The following LRP6 variants were observed in gnomAD, a reference collection of about 807,000 sequenced individuals.
The protein encoded by LRP6 is low-density lipoprotein receptor-related protein 6.
LRP6 carries 43 observed loss-of-function variants against 184.1 expected under a neutral mutation model. That is an observed-to-expected ratio of 0.23 (90% CI 0.18 to 0.30). The LOEUF (loss-of-function observed/expected upper bound fraction) is 0.30. LRP6 is among the 10% of genes least tolerant of loss of function. The pLI is 1.00. For missense variants in LRP6, 1,571 were observed against 2,005.3 expected (o/e 0.78, Z 4.14); for synonymous variants, 719 against 684.9 (o/e 1.05, Z -0.78).
At chr12:12,143,245 A>G (rs1051592767) in intron 15 of LRP6, among the ~76,000 whole-genome samples, 1 of 152,212 alleles carries the variant, frequency 6.6e-6, no homozygotes, top group African/African-American at 2.4e-5. Context: ...GAAAATTATA[A>G]AACATTAAGA....
chr12:12,147,999 T>C (rs1207017441), intron 14 of LRP6, among the ~76,000 whole-genome samples: 5 of 143,764 alleles, frequency 3.5e-5, no homozygotes, highest in African/African-American at 5.3e-5. Flanking sequence ...TATATCCTCT[T>C]TTATATAAAT....
At chr12:12,261,498 T>A (rs1329800977) in intron 1 of LRP6, among the ~76,000 whole-genome samples, 2 of 152,168 alleles carry the variant, frequency 1.3e-5, no homozygotes, top group African/African-American at 4.8e-5. Context: ...AGACAAATTA[T>A]TGTTTAGCCA....
intron 2 of LRP6, among the ~76,000 whole-genome samples, chr12:12,221,188 T>G (rs980313171): frequency 6.6e-6 from 1 of 152,168 alleles, no homozygotes; most frequent in Non-Finnish European, 1.5e-5. Context: ...CAAACTGATA[T>G]AAAAGGAACA....
At chr12:12,157,962 G>A (rs1433453636) in intron 12 of LRP6, among the ~76,000 whole-genome samples, 1 of 152,050 alleles carries the variant, frequency 6.6e-6, no homozygotes, top group East Asian at 1.9e-4. Flanking sequence ...TAAAAATCAG[G>A]AGATGAGGGA....
At position 12,138,952 on chromosome 12, in the gene LRP6, T is replaced by A. The variant is rs757111525; in HGVS notation, c.3398-418A>T. 7.3e-6 allele frequency: 10 copies of A among 1,364,986 alleles called. No individual in the cohort carries two copies. In the East Asian group the frequency reaches 4.6e-4, roughly 62 times the overall value. The allele number at this position is 1,364,986 out of a possible 1,614,324, so 84.6% of individuals were successfully genotyped here. ...CCCCACCTGGCTTCTCAGAACACAA[T>A]TAGAAAAAATGACTGACTCACCCCA... On this transcript the variant is annotated intron_variant, in intron 15 of 22. Transcript: ENST00000261349.
At chr12:12,137,844 C>T (rs987657767) in intron 16 of LRP6, among the ~76,000 whole-genome samples, 1 of 151,734 alleles carries the variant, frequency 6.6e-6, no homozygotes, top group South Asian at 2.1e-4. Flanking sequence ...GAAAAGCTCC[C>T]GGGTAAGGTT....
chr12:12,250,688 T>C (rs1305203017), intron 1 of LRP6, among the ~76,000 whole-genome samples: 8 of 152,050 alleles, frequency 5.3e-5, no homozygotes. Context: ...AGTGGCACAA[T>C]CTCGGCTCAC....
chr12:12,180,004 A>G, intron 6 of LRP6, 23 bp from the exon 7 acceptor site: 1 of 1,589,100 alleles, frequency 6.3e-7, no homozygotes, highest in Non-Finnish European at 8.6e-7. Flanking sequence ...ACAAAAAATG[A>G]GCTAAAAATA....
At chr12:12,171,523 A>T (rs1863042643) in intron 7 of LRP6, among the ~76,000 whole-genome samples, 1 of 113,122 alleles carries the variant, frequency 8.8e-6, no homozygotes, top group Non-Finnish European at 1.7e-5. Context: ...CTCAGTCTCA[A>T]AAAAAAATAA....
chr12:12,176,153 T>C (rs1863177680), intron 7 of LRP6, among the ~76,000 whole-genome samples: 1 of 152,340 alleles, frequency 6.6e-6, no homozygotes, highest in South Asian at 2.1e-4. Context: ...TTTCTGCTAA[T>C]GCTTTAGTAC....
chr12:12,120,443 A>G lies in LRP6; in HGVS notation c.*683T>C, dbSNP rs929381554. The G allele has an allele frequency of 1.3e-5, 2 of 152,110 alleles. No homozygotes were observed. The highest frequency in any genetic ancestry group is 2.1e-4 in the South Asian group (1 of 4,824). 9.4% of individuals were successfully genotyped at this position (152,110 alleles called of 1,614,324 possible). A position where few individuals can be genotyped will look rare whatever the true frequency, so the allele number is the denominator to read the frequency against. ...TCATTTTGACAGAGGTATGGATTCT[A>G]AAGGTAGGGACAGAGACTTGCACAC... On this transcript the variant is annotated 3_prime_UTR_variant, in exon 23 of 23. Coordinates refer to ENST00000261349, the MANE Select transcript of LRP6 (RefSeq NM_002336.3).
chr12:12,217,012 T>C (rs1473693091), intron 2 of LRP6, among the ~76,000 whole-genome samples: 1 of 152,150 alleles, frequency 6.6e-6, no homozygotes, highest in Non-Finnish European at 1.5e-5. Flanking sequence ...CTGCCTTTCA[T>C]AAAATACAGT....
intron 1 of LRP6, among the ~76,000 whole-genome samples, chr12:12,254,143 CAAAAA>C (rs34210761): frequency 3.6e-3 from 271 of 74,370 alleles, no homozygotes; most frequent in African/African-American, 0.014. Flanking sequence ...GACTCTGTCT[CAAAAA>C]AAAAAAAAAA....
intron 2 of LRP6, among the ~76,000 whole-genome samples, chr12:12,224,623 AAC>A (rs1322026351): frequency 1.3e-5 from 2 of 152,248 alleles, no homozygotes; most frequent in Non-Finnish European, 2.9e-5. Context: ...AAAGCTTGAA[AAC>A]AGTTATGAAT....
Position 12,149,294 on chromosome 12 carries a change from C to CT in LRP6, c.2995-142dup, listed in dbSNP as rs1304550869. ...CTTAAGGAGTATTTCTTACTGATACCTTTTTTTATGGGTAATGTGCTTCTT... is the reference window on the plus strand; with the variant it reads ...CTTAAGGAGTATTTCTTACTGATACCTTTTTTTTATGGGTAATGTGCTTCTT... On this transcript the variant is annotated intron_variant, in intron 13 of 22. Transcript: ENST00000261349. The CT allele has an allele frequency of 1.4e-5, 10 of 718,932 alleles. No individual in the cohort carries two copies. In the East Asian group the frequency reaches 2.6e-4, roughly 19 times the overall value. The allele number at this position is 718,932 out of a possible 1,614,324, so 44.5% of individuals were successfully genotyped here.
intron 2 of LRP6, among the ~76,000 whole-genome samples, chr12:12,208,710 C>T (rs1377729928): frequency 6.6e-6 from 1 of 152,184 alleles, no homozygotes; most frequent in Non-Finnish European, 1.5e-5. Context: ...CTCTAACCCC[C>T]AACTCAGTGC....
At chr12:12,193,159 G>A (rs1040122535) in intron 3 of LRP6, among the ~76,000 whole-genome samples, 6 of 151,800 alleles carry the variant, frequency 4.0e-5, no homozygotes, top group South Asian at 2.1e-4. Context: ...TCAGCAATGA[G>A]TCGAGGAAGA....
intron 1 of LRP6, among the ~76,000 whole-genome samples, chr12:12,251,416 A>G (rs1395698764): frequency 2.0e-5 from 3 of 151,114 alleles, no homozygotes; most frequent in Non-Finnish European, 4.4e-5. Context: ...CAGGCTGGAG[A>G]GCAGTGGTGG....
Position 12,118,123 on chromosome 12 carries a change from A to G in LRP6, c.*3003T>C, listed in dbSNP as rs1949542151. 1 of 152,228 alleles carries G rather than the reference A, an allele frequency of 6.6e-6. No homozygotes were observed. Among genetic ancestry groups the G allele is most frequent in the South Asian group, 2.1e-4 (1 of 4,838 alleles). 9.4% of individuals were successfully genotyped at this position (152,228 alleles called of 1,614,324 possible). ...TTCTGCTAAACAGATATCTTGTGAT[A>G]TGCTGTAAGAGTGGCAGAAAGTGCC... On this transcript the variant is annotated 3_prime_UTR_variant, in exon 23 of 23. Coordinates refer to ENST00000261349, the MANE Select transcript of LRP6 (RefSeq NM_002336.3).
Sources: gnomAD v4.1 joint callset for allele counts (sites outside exome capture counted in the v4.1 genomes callset) on GRCh38, gnomAD v4.1.1 for gene constraint, MANE v1.5 for transcripts, NCBI Gene and HGNC (gene_info 2026-07-23, HGNC 2026-07-21) for gene names.